ZNF638: variants seen among roughly 807,000 people sequenced by gnomAD.
ZNF638 encodes the protein CTCL tumor antigen se33-1.
In ZNF638, 46 loss-of-function variants were observed where a neutral mutation model predicts 195.6. The ratio of observed to expected loss-of-function variants is 0.24; its 90% confidence interval spans 0.19 to 0.30. The LOEUF is 0.30. Among genes scored for constraint, ZNF638 ranks in the 10% least tolerant of loss-of-function variants. The pLI is 1.00. For missense variants in ZNF638, 2,440 were observed against 2,325.3 expected (o/e 1.05, Z -1.01); for synonymous variants, 845 against 772.0 (o/e 1.09, Z -1.57).
rs1167730812 is a variant in ZNF638 at position 71,422,843 on chromosome 2, A to G, written c.3329A>G (p.Glu1110Gly). Reference sequence around the variant, plus strand: ...GGCTTGAAAAACAGTCCAATTGATGAAAGTGAGGTGCAAACAGCAACTGAT... The same window carrying G: ...GGCTTGAAAAACAGTCCAATTGATGGAAGTGAGGTGCAAACAGCAACTGAT... ...SPGLKNSPID[E>G]SEVQTATDSP... The change falls in exon 22 of 28, where the codon GAA (glutamate) becomes GGA (glycine). Residue 1110 changes from glutamate to glycine, a missense_variant. Glu to Gly is a moderately conservative substitution (Grantham distance 98). This residue lies in a region of ZNF638 where 1,883 missense variants were observed against 1,739.1 expected (regional missense o/e 1.08). Transcript: ENST00000264447. The G allele has an allele frequency of 9.9e-6, 16 of 1,613,042 alleles. No individual in the cohort carries two copies. The Admixed American group carries it at 2.7e-4, about 27-fold the overall frequency.
chr2:71,414,189 C>T (rs2080271632), intron 20 of ZNF638, among the ~76,000 whole-genome samples: 1 of 94,878 alleles, frequency 1.1e-5, no homozygotes, highest in African/African-American at 4.1e-5. Flanking sequence ...TCAACTTCTT[C>T]CTGGTTTAGT....
At chr2:71,431,997 A>C (rs768781658) in intron 26 of ZNF638, among the ~76,000 whole-genome samples, 3 of 152,142 alleles carry the variant, frequency 2.0e-5, no homozygotes, top group African/African-American at 4.8e-5. Flanking sequence ...CTCTGGTGAG[A>C]ATTGAGTTAT....
intron 2 of ZNF638, among the ~76,000 whole-genome samples, chr2:71,352,210 C>T (rs1197938120): frequency 6.6e-6 from 1 of 152,022 alleles, no homozygotes; most frequent in African/African-American, 2.4e-5. Flanking sequence ...GGCACAGTGG[C>T]TCACTGCCTG....
intron 2 of ZNF638, among the ~76,000 whole-genome samples, chr2:71,353,179 A>G (rs535175293): frequency 6.6e-6 from 1 of 152,356 alleles, no homozygotes; most frequent in African/African-American, 2.4e-5. Flanking sequence ...GACAATATGT[A>G]TATTCCCCAC....
At chr2:71,411,116 GC>G (rs1330622122) in intron 20 of ZNF638, among the ~76,000 whole-genome samples, 6 of 150,002 alleles carry the variant, frequency 4.0e-5, no homozygotes, top group African/African-American at 1.5e-4. Flanking sequence ...TCCTGCCTCA[GC>G]CTTCCGAGTA....
rs2080652179 is a variant in ZNF638, at chr2:71,431,243, GA to G, written c.5651-79del. On this transcript the variant is annotated intron_variant, in intron 25 of 27. Transcript: ENST00000264447. ...ACAAAGGGAGGTTTTCCCTGAGAAA[GA>G]AAAAGGTAAGAATTATCCAATGTTA... 1.1e-5 allele frequency: 13 copies of G among 1,235,516 alleles called. No individual in the cohort carries two copies. The South Asian group carries it at 1.5e-4, about 14-fold the overall frequency. 76.5% of individuals were successfully genotyped at this position (1,235,516 alleles called of 1,614,324 possible).
At chr2:71,366,120 G>A (rs995178651) in intron 6 of ZNF638, among the ~76,000 whole-genome samples, 2 of 152,154 alleles carry the variant, frequency 1.3e-5, no homozygotes, top group African/African-American at 2.4e-5. Context: ...GAGGCCAAGC[G>A]GGGTGGATCG....
At chr2:71,334,267 A>G (rs2078624792) in intron 1 of ZNF638, among the ~76,000 whole-genome samples, 1 of 152,214 alleles carries the variant, frequency 6.6e-6, no homozygotes, top group Non-Finnish European at 1.5e-5. Flanking sequence ...GGTTTGGACT[A>G]AATTTGTCCA....
rs549588727 is a variant in ZNF638 at position 71,433,897 on chromosome 2, A to G, written c.5871+614A>G. On this transcript the variant is annotated intron_variant, in intron 27 of 27. Transcript: ENST00000264447. ...AGGTAGATGCTATTATTCCAATCTTAAAGATGAGAAAATAGACTTAAGGAG... is the reference window on the plus strand; with the variant it reads ...AGGTAGATGCTATTATTCCAATCTTGAAGATGAGAAAATAGACTTAAGGAG... 3.9e-5 allele frequency among the ~76,000 whole-genome samples: 6 copies of G among 152,332 alleles called. No individual in the cohort carries two copies. The South Asian group carries it at 1.2e-3, about 32-fold the overall frequency.
chr2:71,408,141 G>C lies in ZNF638; in HGVS notation c.3155G>C (p.Ser1052Thr). The part of the protein sequence containing the change: ...NRNKAILQLD[S>T]PESAQSMYSF... ...CCAAAGGCAATTCTTCAGTTAGATA[G>C]TCCTGAATCTGCTCAGTCAATGTAT... Residue 1052 changes from serine to threonine, a missense_variant, in exon 20 of 28, where the codon AGT (serine) becomes ACT (threonine). By Grantham distance (58) the Ser-to-Thr change is moderately conservative. Around this residue, in one of 5 missense-constraint regions of ZNF638, gnomAD observed 1,883 missense variants for 1,739.1 expected, o/e 1.08. Coordinates refer to ENST00000264447, the MANE Select transcript of ZNF638 (RefSeq NM_014497.5). The C allele has an allele frequency of 6.2e-7, 1 of 1,611,994 alleles. No individual in the cohort carries two copies. The highest frequency in any genetic ancestry group is 8.5e-7 in the Non-Finnish European group (1 of 1,179,136).
chr2:71,343,372 C>T (rs1372437226), intron 1 of ZNF638, among the ~76,000 whole-genome samples: 1 of 152,134 alleles, frequency 6.6e-6, no homozygotes, highest in African/African-American at 2.4e-5. Flanking sequence ...AAAGAAGGGT[C>T]TGTTAGGATG....
intron 10 of ZNF638, chr2:71,395,679 C>T: frequency 2.1e-6 from 1 of 484,084 alleles, no homozygotes; most frequent in Non-Finnish European, 4.0e-6. Flanking sequence ...ATACAAGCGG[C>T]TCCAGCTTAT....
intron 6 of ZNF638, among the ~76,000 whole-genome samples, chr2:71,365,970 C>T (rs1407353525): frequency 6.6e-6 from 1 of 152,190 alleles, no homozygotes. Context: ...CCTTCCACGT[C>T]AGCTTCCCTA....
intron 16 of ZNF638, among the ~76,000 whole-genome samples, chr2:71,402,913 A>G (rs952508601): frequency 2.0e-5 from 3 of 152,132 alleles, no homozygotes; most frequent in Non-Finnish European, 4.4e-5. Flanking sequence ...GCTTTAGAAA[A>G]TGGTAGAAGA....
chr2:71,424,460 A>G (rs188897213), intron 22 of ZNF638, among the ~76,000 whole-genome samples, 190 bp from the exon 23 acceptor site: 5 of 152,190 alleles, frequency 3.3e-5, no homozygotes, highest in East Asian at 1.9e-4. Flanking sequence ...TTTAACTACA[A>G]CTTGTACAGA....
intron 3 of ZNF638, among the ~76,000 whole-genome samples, chr2:71,358,594 CTG>C (rs1200032249): frequency 6.6e-6 from 1 of 152,188 alleles, no homozygotes; most frequent in African/African-American, 2.4e-5. Flanking sequence ...ACACAGGTAA[CTG>C]TGGTTTGAAA....
Position 71,423,397 on chromosome 2 carries a change from G to A in ZNF638, c.3883G>A (p.Val1295Met). 6.2e-7 allele frequency: 1 copy of A among 1,613,884 alleles called. No individual in the cohort carries two copies. Among genetic ancestry groups the A allele is most frequent in the Non-Finnish European group, 8.5e-7 (1 of 1,179,976 alleles). Residue 1295 changes from valine to methionine, a missense_variant, in exon 22 of 28, where the codon GTG becomes ATG. Physicochemically the swap from Val to Met is conservative, Grantham distance 21 (BLOSUM62 1). Around this residue, in one of 5 missense-constraint regions of ZNF638, gnomAD observed 1,883 missense variants for 1,739.1 expected, o/e 1.08. Transcript: ENST00000264447. ...PGIPTGDEKT[V>M]DKKNISEKKG... ...AATTCCCACTGGGGATGAGAAGACA[G>A]TGGACAAAAAGAATATTTCTGAAAA...
intron 6 of ZNF638, among the ~76,000 whole-genome samples, chr2:71,366,771 G>C (rs1217333214): frequency 6.6e-6 from 1 of 152,076 alleles, no homozygotes; most frequent in East Asian, 1.9e-4. Flanking sequence ...ATACTCTGTT[G>C]TACAGTGTAA....
intron 27 of ZNF638, among the ~76,000 whole-genome samples, chr2:71,434,364 GC>G (rs1380854838): frequency 6.6e-6 from 1 of 152,198 alleles, no homozygotes; most frequent in Admixed American, 6.5e-5. Context: ...GAAAGACCTA[GC>G]TAAGTAGAAC....
Sources: allele counts gnomAD v4.1 joint callset (sites outside exome capture counted in the v4.1 genomes callset), GRCh38; gene constraint gnomAD v4.1.1; regional missense constraint gnomAD v4.1.1; transcripts MANE v1.5; gene names NCBI Gene and HGNC (gene_info 2026-07-23, HGNC 2026-07-21).